Variants in NXPH1 observed in about 807,000 individuals in gnomAD.
NXPH1 encodes neurexophilin-1.
Under a neutral mutation model 23.7 loss-of-function variants are expected in NXPH1, and 5 were observed. The ratio of observed to expected loss-of-function variants is 0.21; its 90% CI spans 0.11 to 0.44. The LOEUF (loss-of-function observed/expected upper bound fraction) is 0.44. Ranked by LOEUF, NXPH1 falls within the 20% of genes least tolerant of loss-of-function variation. NXPH1 has a pLI of 0.99. For missense variants in NXPH1, 324 were observed against 321.6 expected (o/e 1.01, Z -0.06); for synonymous variants, 144 against 122.2 (o/e 1.18, Z -1.18).
At chr7:8,476,810 G>A (rs990856273) in intron 2 of NXPH1, among the ~76,000 whole-genome samples, 2 of 152,090 alleles carry the variant, frequency 1.3e-5, no homozygotes, top group African/African-American at 4.8e-5. Flanking sequence ...CAATGAGAGG[G>A]TGTAACTCAG....
chr7:8,675,736 A>G (rs58053614), intron 2 of NXPH1, among the ~76,000 whole-genome samples: 7,070 of 152,250 alleles, frequency 0.046, 402 homozygotes, highest in East Asian at 0.24. Context: ...GTAAACGTGG[A>G]TGAGAATAAT....
intron 2 of NXPH1, among the ~76,000 whole-genome samples, chr7:8,723,677 G>A (rs374866847): frequency 3.3e-5 from 5 of 152,120 alleles, no homozygotes; most frequent in African/African-American, 4.8e-5. Flanking sequence ...CTTTATATCT[G>A]CCAGATATAT....
intron 2 of NXPH1, among the ~76,000 whole-genome samples, chr7:8,632,314 G>C (rs4537210): frequency 0.28 from 41,969 of 152,038 alleles, 6,260 homozygotes; most frequent in African/African-American, 0.36. Context: ...TCCAGCAGTA[G>C]TTTTCTATCA....
chr7:8,663,149 G>A (rs776687485), intron 2 of NXPH1, among the ~76,000 whole-genome samples: 1 of 151,970 alleles, frequency 6.6e-6, no homozygotes, highest in Non-Finnish European at 1.5e-5. Context: ...AGATATTGGA[G>A]TCATTTAGTA....
At chr7:8,613,893 A>G (rs77846526) in intron 2 of NXPH1, among the ~76,000 whole-genome samples, 4,551 of 151,916 alleles carry the variant, frequency 0.03, 230 homozygotes, top group African/African-American at 0.1. Flanking sequence ...TCACATATAG[A>G]CTGAACACAC....
chr7:8,444,683 G>T (rs1320206017), intron 2 of NXPH1, among the ~76,000 whole-genome samples: 1 of 152,220 alleles, frequency 6.6e-6, no homozygotes, highest in Non-Finnish European at 1.5e-5. Context: ...GTGTGCATTT[G>T]TCAGTGCCTC....
intron 2 of NXPH1, among the ~76,000 whole-genome samples, chr7:8,741,030 C>G (rs944010726): frequency 6.6e-6 from 1 of 152,168 alleles, no homozygotes; most frequent in Non-Finnish European, 1.5e-5. Context: ...TGTTTGTATC[C>G]TTTAACAAAC....
chr7:8,728,182 T>G (rs1383227884), intron 2 of NXPH1, among the ~76,000 whole-genome samples: 3 of 152,212 alleles, frequency 2.0e-5, no homozygotes, highest in Admixed American at 6.5e-5. Flanking sequence ...TTTTTTACTT[T>G]GATTTTGTAT....
intron 2 of NXPH1, among the ~76,000 whole-genome samples, chr7:8,697,298 A>T (rs1297155172): frequency 1.3e-5 from 2 of 152,104 alleles, no homozygotes; most frequent in Non-Finnish European, 2.9e-5. Context: ...TGGGAAAGTG[A>T]CATGATCTGG....
chr7:8,751,754 C>T lies in NXPH1; in HGVS notation c.801C>T (p.Tyr267=), dbSNP rs751504857. 1.7e-5 allele frequency: 28 copies of T among 1,609,620 alleles called. No homozygotes were observed. Among genetic ancestry groups the T allele is most frequent in the African/African-American group, 2.7e-5 (2 of 74,836 alleles). ...PDYNYHSDTP[Y]FPSG is the part of the protein sequence containing the mutation. ...ACAACTACCACAGTGACACACCTTA[C>T]TTTCCCTCGGGATGAAGGTGAACAT... The change falls in exon 3 of 3, where the codon TAC becomes TAT. Residue 267 remains tyrosine, a synonymous_variant. Transcript: ENST00000405863. This position sits in a 1 kb window ranked among gnomAD's most constrained non-coding sequence, Gnocchi z 4.5.
At chr7:8,589,786 G>T (rs1819053949) in intron 2 of NXPH1, among the ~76,000 whole-genome samples, 1 of 152,036 alleles carries the variant, frequency 6.6e-6, no homozygotes. Context: ...AGTTGTAGCT[G>T]CACCATCCAA....
chr7:8,522,838 G>A (rs1817795410), intron 2 of NXPH1, among the ~76,000 whole-genome samples: 2 of 152,128 alleles, frequency 1.3e-5, no homozygotes, highest in South Asian at 2.1e-4. Flanking sequence ...TATGATCTGA[G>A]TTCAAAGGCC....
At chr7:8,538,558 A>G (rs1415103628) in intron 2 of NXPH1, among the ~76,000 whole-genome samples, 1 of 151,964 alleles carries the variant, frequency 6.6e-6, no homozygotes, top group Non-Finnish European at 1.5e-5. Flanking sequence ...GATAAAAGAC[A>G]TTATGTCAAG....
intron 2 of NXPH1, among the ~76,000 whole-genome samples, chr7:8,594,406 G>A (rs1043310873): frequency 6.2e-4 from 95 of 152,100 alleles, no homozygotes; most frequent in African/African-American, 2.2e-3. Flanking sequence ...ACAGCTGGAG[G>A]AGGGAGTTGA....
chr7:8,745,837 G>C (rs1449488755), intron 2 of NXPH1, among the ~76,000 whole-genome samples: 2 of 151,288 alleles, frequency 1.3e-5, no homozygotes, highest in African/African-American at 4.9e-5. Context: ...AAAGTGCTAG[G>C]ATTTCAGGCG....
rs549886935 is a variant in NXPH1, at chr7:8,581,967, C to T, written c.54+146200C>T. ...GCCCAGATCCTATACCTGCCAAGGGCGAGACAGGTGCAGAGTGGTGAGGGG... is the reference window on the plus strand; with the variant it reads ...GCCCAGATCCTATACCTGCCAAGGGTGAGACAGGTGCAGAGTGGTGAGGGG... On this transcript the variant is annotated intron_variant, in intron 2 of 2. Coordinates refer to ENST00000405863, the MANE Select transcript of NXPH1 (RefSeq NM_152745.3). Among the ~76,000 whole-genome samples the T allele has an allele frequency of 1.1e-4, 17 of 152,266 alleles. 1 individual carries two copies. In the East Asian group the frequency reaches 1.4e-3, roughly 12 times the overall value.
At chr7:8,495,965 A>G (rs773881724) in intron 2 of NXPH1, among the ~76,000 whole-genome samples, 3 of 152,014 alleles carry the variant, frequency 2.0e-5, no homozygotes, top group Non-Finnish European at 4.4e-5. Context: ...GGTCTTTCTA[A>G]TAGGGCCTCC....
chr7:8,595,366 G>A (rs2128626152), intron 2 of NXPH1, among the ~76,000 whole-genome samples: 1 of 151,910 alleles, frequency 6.6e-6, no homozygotes. Flanking sequence ...TAGAAATAAT[G>A]ATTTATTTTT....
At chr7:8,686,180 C>A (rs567604854) in intron 2 of NXPH1, among the ~76,000 whole-genome samples, 5 of 152,120 alleles carry the variant, frequency 3.3e-5, no homozygotes, top group African/African-American at 7.2e-5. Context: ...TAGGTATGAC[C>A]TTAAGTTTAG....
Sources: gnomAD v4.1 joint callset for allele counts (sites outside exome capture counted in the v4.1 genomes callset) on GRCh38, gnomAD v4.1.1 for gene constraint, Gnocchi (gnomAD v3.1) non-coding constraint, MANE v1.5 for transcripts, NCBI Gene and HGNC (gene_info 2026-07-23, HGNC 2026-07-21) for gene names.